Variants in RGS14 observed in about 807,000 individuals in gnomAD.
RGS14 encodes the protein regulator of G-protein signaling 14.
In RGS14, 33 loss-of-function variants were observed where a neutral mutation model predicts 63.8. The observed-to-expected ratio is 0.52, with a 90% confidence interval of 0.39 to 0.69. RGS14 has a LOEUF of 0.69. Among genes scored for constraint, RGS14 ranks in the 30% least tolerant of loss-of-function variants. RGS14 has a pLI of 0.00. For synonymous variants in RGS14, 296 were observed against 320.9 expected, an observed-to-expected ratio of 0.92 and a Z score of 0.83; for missense variants, 739 against 742.9, an observed-to-expected ratio of 0.99 and a Z score of 0.06.
In RGS14 at chr5:177,368,851, G is replaced by T; in HGVS notation, c.984G>T (p.Leu328=). 6.2e-7 allele frequency: 1 copy of T among 1,614,240 alleles called. No homozygotes were observed. Among genetic ancestry groups the T allele is most frequent in the Non-Finnish European group, 8.5e-7 (1 of 1,180,044 alleles). The change falls in exon 9 of 15, where the codon CTG becomes CTT. Residue 328 remains leucine, a synonymous_variant. Coordinates refer to ENST00000408923, the MANE Select transcript of RGS14 (RefSeq NM_006480.5). ...CTGGCCTCACCATCCGAGACATGCT[G>T]GCAGGGATCTGTGAGAAACGAGGCC... ...ARPGLTIRDM[L]AGICEKRGLS...
At chr5:177,366,462 C>A in intron 3 of RGS14, 107 bp downstream of exon 3, 1 of 1,036,898 alleles carries the variant, frequency 9.6e-7, no homozygotes, top group Non-Finnish European at 1.4e-6. Context: ...CCTCATCTAG[C>A]CTTCCTGCAG....
At chr5:177,360,389 C>T (rs1279959272) in intron 1 of RGS14, among the ~76,000 whole-genome samples, 1 of 151,700 alleles carries the variant, frequency 6.6e-6, no homozygotes. Context: ...GCCTGGGCAA[C>T]ATAGTGAGGA....
intron 6 of RGS14, 36 bp downstream of exon 6, chr5:177,367,593 G>T (rs1762131771): frequency 6.3e-7 from 1 of 1,587,236 alleles, no homozygotes; most frequent in South Asian, 1.1e-5. Context: ...GGCGAGGCAG[G>T]GGGTCCTGCG....
chr5:177,371,554 G>C lies in RGS14; in HGVS notation c.1463G>C (p.Ser488Thr). Residue 488 changes from serine (S) to threonine (T), a missense_variant, in exon 14 of 15, where the codon AGT becomes ACT. Transcript: ENST00000408923. The surrounding 1 kb of genome is among the most constrained non-coding windows in gnomAD (Gnocchi z 6.1). ...SPSSLVKVPSSATGKRQTCDI... is the reference protein window; with the variant it reads ...SPSSLVKVPSTATGKRQTCDI... ...AGTTCTCTGGTGAAGGTGCCCAGTA[G>C]TGCCACTGGAAAGCGGCAGACCTGT... 1 of 1,614,124 alleles carries C rather than the reference G, an allele frequency of 6.2e-7. No homozygotes were observed. Among genetic ancestry groups the C allele is most frequent in the East Asian group, 2.2e-5 (1 of 44,874 alleles).
In RGS14 at chr5:177,371,912, C is replaced by A; in HGVS notation, c.1538C>A (p.Ala513Asp). ...ELLNRVQSSG[A>D]HDQRGLLRKE... ...CTGAACCGGGTGCAGAGCAGCGGGG[C>A]CCACGACCAGAGGGGCCTTCTGAGG... Residue 513 changes from alanine to aspartate, a missense_variant, in exon 15 of 15, where the codon GCC becomes GAC. Ala to Asp is a moderately radical substitution (Grantham distance 126). Transcript: ENST00000408923. This position sits in a 1 kb window ranked among gnomAD's most constrained non-coding sequence, Gnocchi z 6.1. 6.2e-7 allele frequency: 1 copy of A among 1,613,920 alleles called. No homozygotes were observed. Among genetic ancestry groups the A allele is most frequent in the Admixed American group, 1.7e-5 (1 of 60,014 alleles).
chr5:177,364,996 GA>G lies in RGS14; in HGVS notation c.46-965del, dbSNP rs1240082425. On this transcript the variant is annotated intron_variant, in intron 1 of 14. Transcript: ENST00000408923. This position sits in a 1 kb window ranked among gnomAD's most constrained non-coding sequence, Gnocchi z 4.6. ...CCTCCCACTCTGCACTGAAGTTTGA[GA>G]ACCACTGCTCTGTACTATAGACCAG... Among the ~76,000 whole-genome samples the G allele has an allele frequency of 3.3e-5, 5 of 152,166 alleles. No individual in the cohort carries two copies. Among genetic ancestry groups the G allele is most frequent in the Non-Finnish European group, 7.3e-5 (5 of 68,030 alleles).
rs1762171933 is a variant in RGS14, at chr5:177,368,864, G to C, written c.997G>C (p.Glu333Gln). 6.2e-7 allele frequency: 1 copy of C among 1,614,224 alleles called. No individual in the cohort carries two copies. Among genetic ancestry groups the C allele is most frequent in the Non-Finnish European group, 8.5e-7 (1 of 1,180,046 alleles). Reference protein sequence around the residue: ...TIRDMLAGICEKRGLSLPDIK... With the variant: ...TIRDMLAGICQKRGLSLPDIK... ...CCGAGACATGCTGGCAGGGATCTGT[G>C]AGAAACGAGGCCTCTCTCTACCTGA... Residue 333 changes from glutamate (E) to glutamine (Q), a missense_variant, in exon 9 of 15, where the codon GAG becomes CAG. Coordinates refer to ENST00000408923, the MANE Select transcript of RGS14 (RefSeq NM_006480.5).
intron 1 of RGS14, among the ~76,000 whole-genome samples, chr5:177,360,608 G>A (rs887462338): frequency 1.1e-4 from 16 of 148,688 alleles, no homozygotes; most frequent in Non-Finnish European, 1.9e-4. Context: ...GGAAGGGAGG[G>A]AGGGAGGGAA....
rs942680378 is a variant in RGS14, at chr5:177,372,222, A to C, written c.*147A>C. The C allele has an allele frequency of 3.9e-6, 3 of 766,366 alleles. No homozygotes were observed. The highest frequency in any genetic ancestry group is 6.3e-6 in the Non-Finnish European group (3 of 473,134). The allele number at this position is 766,366 out of a possible 1,614,324, so 47.5% of individuals were successfully genotyped here. A position where few individuals can be genotyped will look rare whatever the true frequency, so the allele number is the denominator to read the frequency against. ...CCGCAGGAAGAGCCGGTAGGGGTGG[A>C]AAGGGGACTCAGATGAGACACACCC... On this transcript the variant is annotated 3_prime_UTR_variant, in exon 15 of 15. Coordinates refer to ENST00000408923, the MANE Select transcript of RGS14 (RefSeq NM_006480.5).
rs760363244 is a variant in RGS14 at position 177,371,264 on chromosome 5, C to T, written c.1336+18C>T. 5.0e-6 allele frequency: 8 copies of T among 1,613,974 alleles called. No individual in the cohort carries two copies. In the South Asian group the frequency reaches 6.6e-5, roughly 13 times the overall value. On this transcript the variant is annotated intron_variant, in intron 12 of 14. Transcript: ENST00000408923. The surrounding 1 kb of genome is among the most constrained non-coding windows in gnomAD (Gnocchi z 6.1). ...TCTTCCAGGTAGGGGACGCTGGCCT[C>T]GGGGCTTGATCTGGAACAGCTGTGG...
chr5:177,359,434 C>T lies in RGS14; in HGVS notation c.45+1365C>T, dbSNP rs559603123. Among the ~76,000 whole-genome samples the T allele has an allele frequency of 1.1e-4, 16 of 152,310 alleles. No homozygotes were observed. Among genetic ancestry groups the T allele is most frequent in the African/African-American group, 3.4e-4 (14 of 41,572 alleles). On this transcript the variant is annotated intron_variant, in intron 1 of 14. Transcript: ENST00000408923. This position sits in a 1 kb window ranked among gnomAD's most constrained non-coding sequence, Gnocchi z 4.4. Reference sequence around the variant, plus strand: ...GAAGCCAAGGAGGCTAACCCCAGGCCCACCCTGGGAGGGCAACTGGATTGA... The same window carrying T: ...GAAGCCAAGGAGGCTAACCCCAGGCTCACCCTGGGAGGGCAACTGGATTGA...
chr5:177,365,455 G>A (rs1347287296), intron 1 of RGS14, among the ~76,000 whole-genome samples: 1 of 151,630 alleles, frequency 6.6e-6, no homozygotes, highest in African/African-American at 2.4e-5. Context: ...CACCCATCTC[G>A]GCCTCCCAAA....
chr5:177,371,064 G>A lies in RGS14; in HGVS notation c.1254+33G>A. ...TCCGGGCCGCGGGGCGGGGCGGGGC[G>A]GGGCCGGGCCGGGGCCGGGGCCGGG... On this transcript the variant is annotated intron_variant, in intron 11 of 14. Coordinates refer to ENST00000408923, the MANE Select transcript of RGS14 (RefSeq NM_006480.5). This position sits in a 1 kb window ranked among gnomAD's most constrained non-coding sequence, Gnocchi z 6.1. The A allele has an allele frequency of 1.3e-6, 1 of 758,538 alleles. No individual in the cohort carries two copies. Among genetic ancestry groups the A allele is most frequent in the Non-Finnish European group, 1.6e-6 (1 of 631,776 alleles). The allele number at this position is 758,538 out of a possible 1,614,324, so 47.0% of individuals were successfully genotyped here. A position where few individuals can be genotyped will look rare whatever the true frequency, so the allele number is the denominator to read the frequency against.
Position 177,371,713 on chromosome 5 carries a change from AG to A in RGS14, c.1498+126del, listed in dbSNP as rs2127338822. ...GGGTGCCACTGGGCGTGGAACAGGA[AG>A]GATGGGGGTTGGGGGGTCAAAGGGG... is the stretch of plus-strand genomic sequence containing the variant. On this transcript the variant is annotated intron_variant, in intron 14 of 14. Transcript: ENST00000408923. This position sits in a 1 kb window ranked among gnomAD's most constrained non-coding sequence, Gnocchi z 6.1. 4 of 885,980 alleles carry A rather than the reference AG, an allele frequency of 4.5e-6. No homozygotes were observed. The East Asian group carries it at 1.2e-4, about 27-fold the overall frequency. 54.9% of individuals were successfully genotyped at this position (885,980 alleles called of 1,614,324 possible). A position where few individuals can be genotyped will look rare whatever the true frequency, so the allele number is the denominator to read the frequency against.
chr5:177,357,999 G>T lies in RGS14; in HGVS notation c.-26G>T. On this transcript the variant is annotated 5_prime_UTR_variant, in exon 1 of 15. Transcript: ENST00000408923. The stretch of plus-strand genomic sequence containing the variant: ...AGTCCCCATGGTGGGCAGCCCCCGC[G>T]GCGGGGACCCCTGATCGGCAGCGGC... 7.4e-7 allele frequency: 1 copy of T among 1,344,480 alleles called. No individual in the cohort carries two copies. The allele number at this position is 1,344,480 out of a possible 1,614,324, so 83.3% of individuals were successfully genotyped here.
In RGS14 at chr5:177,371,069, C is replaced by CCGGGCCGGGGCCGGGGCCGGGGCCG. The variant is rs1762240757; in HGVS notation, c.1254+38_1254+39insCGGGCCGGGGCCGGGGCCGGGGCCG. 2.9e-5 allele frequency: 16 copies of CCGGGCCGGGGCCGGGGCCGGGGCCG among 552,532 alleles called. No individual in the cohort carries two copies. The Admixed American group carries it at 7.5e-4, about 26-fold the overall frequency. The allele number at this position is 552,532 out of a possible 1,614,324, so 34.2% of individuals were successfully genotyped here. On this transcript the variant is annotated intron_variant, in intron 11 of 14. Transcript: ENST00000408923. This position sits in a 1 kb window ranked among gnomAD's most constrained non-coding sequence, Gnocchi z 6.1. ...GCCGCGGGGCGGGGCGGGGCGGGGC[C>CCGGGCCGGGGCCGGGGCCGGGGCCG]GGGCCGGGGCCGGGGCCGGGGCCGG...
intron 8 of RGS14, 48 bp downstream of exon 8, chr5:177,368,314 C>G: frequency 2.0e-6 from 3 of 1,534,972 alleles, no homozygotes; most frequent in Non-Finnish European, 2.7e-6. Context: ...GCTAGAGTCA[C>G]TACTCAGGCC....
Position 177,367,417 on chromosome 5 carries a change from T to G in RGS14, c.487T>G (p.Phe163Val). 1 of 1,604,366 alleles carries G rather than the reference T, an allele frequency of 6.2e-7. No homozygotes were observed. The highest frequency in any genetic ancestry group is 1.3e-5 in the African/African-American group (1 of 74,880). Reference protein sequence around the residue: ...DMFRAQQLQIFNLMKFDSYAR... With the variant: ...DMFRAQQLQIVNLMKFDSYAR... ...CTGTTCCGGGGTCGCCCCGCAGATC[T>G]TCAACTTGATGAAGTTCGACAGCTA... Residue 163 changes from phenylalanine to valine, a missense_variant, in exon 6 of 15, where the codon TTC becomes GTC. Phe to Val is a conservative substitution (Grantham distance 50). Transcript: ENST00000408923.
At chr5:177,360,432 G>T (rs1275016296) in intron 1 of RGS14, among the ~76,000 whole-genome samples, 3 of 151,974 alleles carry the variant, frequency 2.0e-5, no homozygotes, top group Non-Finnish European at 4.4e-5. Context: ...GGGCATGGTG[G>T]TATGCACCTG....
Sources: gnomAD v4.1 joint callset for allele counts (sites outside exome capture counted in the v4.1 genomes callset) on GRCh38, gnomAD v4.1.1 for gene constraint, Gnocchi (gnomAD v3.1) non-coding constraint, MANE v1.5 for transcripts, NCBI Gene and HGNC (gene_info 2026-07-23, HGNC 2026-07-21) for gene names.